The following KCNH1 variants were observed in gnomAD, a reference collection of about 807,000 sequenced individuals.
KCNH1 encodes the protein potassium voltage-gated channel subfamily H member 1.
In KCNH1, 27 loss-of-function variants were observed where a neutral mutation model predicts 69.2. The observed-to-expected ratio is 0.39, with a 90% confidence interval of 0.29 to 0.54. The LOEUF (loss-of-function observed/expected upper bound fraction) is 0.54. Among genes scored for constraint, KCNH1 ranks in the 20% least tolerant of loss-of-function variants. The probability of loss-of-function intolerance (pLI) is 0.68; values close to 1 mark genes in which losing one functional copy is unlikely to be tolerated. For synonymous variants in KCNH1, 456 were observed against 487.7 expected (o/e 0.93, Z 0.86); for missense variants, 798 against 1,261.6 (o/e 0.63, Z 5.57).
intron 7 of KCNH1, among the ~76,000 whole-genome samples, chr1:210,835,830 T>C (rs1333078906): frequency 1.3e-5 from 2 of 152,040 alleles, no homozygotes; most frequent in Non-Finnish European, 2.9e-5. Context: ...AACAACTCCT[T>C]ATAAAACTTG....
rs571987718 is a variant in KCNH1, at chr1:211,086,868, T to C, written c.439+3694A>G. Among the ~76,000 whole-genome samples the C allele has an allele frequency of 2.0e-5, 3 of 152,230 alleles. No individual in the cohort carries two copies. The East Asian group carries it at 5.8e-4, about 29-fold the overall frequency. ...AGGAGCTGATAGCATAATCCAAACATCCAGCAAAGAACAGTGGACACAAGG... is the reference window on the plus strand; with the variant it reads ...AGGAGCTGATAGCATAATCCAAACACCCAGCAAAGAACAGTGGACACAAGG... On this transcript the variant is annotated intron_variant, in intron 4 of 10. Coordinates refer to ENST00000271751, the MANE Select transcript of KCNH1 (RefSeq NM_172362.3).
At chr1:211,004,159 T>C (rs1019469681) in intron 6 of KCNH1, among the ~76,000 whole-genome samples, 22 of 151,988 alleles carry the variant, frequency 1.4e-4, no homozygotes, top group Admixed American at 1.0e-3. Context: ...CAAATATCTT[T>C]CAAGAATTAA....
chr1:210,693,543 C>G (rs1026433721), intron 10 of KCNH1, among the ~76,000 whole-genome samples: 2 of 152,138 alleles, frequency 1.3e-5, no homozygotes, highest in African/African-American at 4.8e-5. Context: ...GAGGAGTGGA[C>G]AGATAAAACA....
chr1:210,872,108 A>G (rs893601013), intron 7 of KCNH1, among the ~76,000 whole-genome samples: 1 of 151,668 alleles, frequency 6.6e-6, no homozygotes, highest in African/African-American at 2.4e-5. Context: ...GCTATGGAAA[A>G]GAAAAACATT....
intron 10 of KCNH1, among the ~76,000 whole-genome samples, chr1:210,748,544 GT>G (rs1683214875): frequency 6.6e-6 from 1 of 152,130 alleles, no homozygotes; most frequent in Non-Finnish European, 1.5e-5. Flanking sequence ...AATATTCAAC[GT>G]TATGGTACTA....
chr1:210,877,369 T>C (rs1350787432), intron 7 of KCNH1, among the ~76,000 whole-genome samples: 3 of 152,066 alleles, frequency 2.0e-5, no homozygotes, highest in Admixed American at 2.0e-4. Context: ...TGGCTCTGAG[T>C]CTCAGCTGCC....
chr1:211,015,762 T>G (rs1045009647), intron 6 of KCNH1, among the ~76,000 whole-genome samples: 1 of 152,182 alleles, frequency 6.6e-6, no homozygotes, highest in Non-Finnish European at 1.5e-5. Context: ...CTAAATGATA[T>G]GCACAAGGAT....
intron 5 of KCNH1, among the ~76,000 whole-genome samples, chr1:211,022,371 G>A (rs1006085938): frequency 3.3e-5 from 5 of 152,078 alleles, no homozygotes; most frequent in African/African-American, 4.8e-5. Flanking sequence ...CTATAGAATC[G>A]ATAAAATAAA....
In KCNH1 at chr1:210,683,914, G is replaced by T; in HGVS notation, c.2337C>A (p.Asn779Lys). 2.5e-6 allele frequency: 4 copies of T among 1,613,078 alleles called. No homozygotes were observed. Among genetic ancestry groups the T allele is most frequent in the Non-Finnish European group, 3.4e-6 (4 of 1,179,148 alleles). ...CCACGCTGGCCTTCACGAGGCTGTG[G>T]TTGGCGGAGGCATGCTCTGTAAGGA... is the stretch of plus-strand genomic sequence containing the variant. ...GNVLTEHASA[N>K]HSLVKASVVT... Residue 779 changes from asparagine to lysine, a missense_variant, in exon 11 of 11, where the codon AAC (asparagine) becomes AAA (lysine). Asn to Lys is a moderately conservative substitution (Grantham distance 94). Transcript: ENST00000271751. The surrounding 1 kb of genome is among the most constrained non-coding windows in gnomAD (Gnocchi z 5.7).
chr1:210,766,639 G>A (rs1003819475), intron 10 of KCNH1, among the ~76,000 whole-genome samples: 23 of 152,320 alleles, frequency 1.5e-4, no homozygotes, highest in African/African-American at 5.5e-4. Flanking sequence ...TATGGAGTCA[G>A]GGTCCCATTA....
chr1:211,048,236 A>G (rs1690129679), intron 5 of KCNH1, among the ~76,000 whole-genome samples: 1 of 152,242 alleles, frequency 6.6e-6, no homozygotes, highest in Non-Finnish European at 1.5e-5. Context: ...TGCCGGTGTG[A>G]ATGTTAACTA....
chr1:210,844,200 CTCTG>C (rs750051402), intron 7 of KCNH1, among the ~76,000 whole-genome samples: 4 of 152,176 alleles, frequency 2.6e-5, no homozygotes, highest in Non-Finnish European at 4.4e-5. Flanking sequence ...GTTCCTAACA[CTCTG>C]TCTGGCATAA....
At chr1:210,753,634 C>G (rs1437452879) in intron 10 of KCNH1, among the ~76,000 whole-genome samples, 1 of 152,178 alleles carries the variant, frequency 6.6e-6, no homozygotes, top group East Asian at 1.9e-4. Flanking sequence ...AGTAAACTCA[C>G]TGGGGGGTTG....
chr1:210,880,251 T>C (rs1043321862), intron 7 of KCNH1, among the ~76,000 whole-genome samples: 1 of 152,202 alleles, frequency 6.6e-6, no homozygotes, highest in Non-Finnish European at 1.5e-5. Flanking sequence ...CTAAAGTTTA[T>C]ATGGAGAGGC....
chr1:210,863,902 T>C (rs1686040047), intron 7 of KCNH1, among the ~76,000 whole-genome samples: 4 of 152,158 alleles, frequency 2.6e-5, no homozygotes, highest in African/African-American at 7.2e-5. Flanking sequence ...TAGAAAGGCC[T>C]CAAGTGGTAG....
intron 7 of KCNH1, among the ~76,000 whole-genome samples, chr1:210,808,993 G>C (rs2102412910): frequency 6.6e-6 from 1 of 152,266 alleles, no homozygotes. Context: ...CAGAAAGGAA[G>C]GAGACCTCCC....
intron 10 of KCNH1, among the ~76,000 whole-genome samples, chr1:210,749,067 A>G (rs1371955546): frequency 6.6e-6 from 1 of 152,100 alleles, no homozygotes; most frequent in Non-Finnish European, 1.5e-5. Context: ...TGCTTTCGGT[A>G]GCCAGGTTTG....
intron 6 of KCNH1, among the ~76,000 whole-genome samples, chr1:210,949,876 A>G (rs539587566): frequency 6.6e-6 from 1 of 152,342 alleles, no homozygotes; most frequent in East Asian, 1.9e-4. Context: ...ACATTATACG[A>G]AGATGCTATG....
intron 6 of KCNH1, among the ~76,000 whole-genome samples, chr1:210,943,333 T>TTTTATTA (rs1429875974): frequency 4.6e-5 from 7 of 151,836 alleles, no homozygotes; most frequent in African/African-American, 1.7e-4. Context: ...TTTTTTTATT[T>TTTTATTA]TTTATTTTTT....
Sources: allele counts gnomAD v4.1 joint callset (sites outside exome capture counted in the v4.1 genomes callset), GRCh38; gene constraint gnomAD v4.1.1; non-coding constraint Gnocchi (gnomAD v3.1); transcripts MANE v1.5; gene names NCBI Gene and HGNC (gene_info 2026-07-23, HGNC 2026-07-21).